The following CUL5 variants were observed in gnomAD, a reference collection of about 807,000 sequenced individuals.
CUL5 encodes cullin-5.
In CUL5, 26 loss-of-function variants were observed where a neutral mutation model predicts 108.8. The observed-to-expected ratio is 0.24, with a 90% CI of 0.18 to 0.33. The LOEUF (loss-of-function observed/expected upper bound fraction) is 0.33. CUL5 is among the 10% of genes least tolerant of loss of function. The pLI, the probability that CUL5 is intolerant of heterozygous loss-of-function variation, is 1.00. For synonymous variants in CUL5, 334 were observed against 298.0 expected (o/e 1.12, Z -1.25); for missense variants, 524 against 909.2 (o/e 0.58, Z 5.45).
intron 1 of CUL5, among the ~76,000 whole-genome samples, chr11:108,021,047 T>C (rs915554571): frequency 1.3e-5 from 2 of 152,238 alleles, no homozygotes; most frequent in Admixed American, 1.3e-4. Flanking sequence ...TGCCTCCAGC[T>C]TCAGTACAGT....
At chr11:108,072,614 A>G (rs1863853754) in intron 9 of CUL5, 152 bp downstream of exon 9, 5 of 546,556 alleles carry the variant, frequency 9.1e-6, no homozygotes, top group Non-Finnish European at 1.3e-5. Context: ...TTCAATAGGA[A>G]GAATAAGTTT....
intron 13 of CUL5, among the ~76,000 whole-genome samples, chr11:108,090,639 A>G (rs184963695): frequency 1.6e-4 from 25 of 152,360 alleles, no homozygotes; most frequent in Admixed American, 1.5e-3. Context: ...ATGATGGCCT[A>G]TTTAGGGTAA....
chr11:108,043,232 A>G (rs1342667296), intron 2 of CUL5, among the ~76,000 whole-genome samples: 2 of 152,162 alleles, frequency 1.3e-5, no homozygotes, highest in Non-Finnish European at 2.9e-5. Context: ...ACCATGCCCA[A>G]CTAATTATTT....
At chr11:108,085,259 A>G (rs1864190557) in intron 11 of CUL5, among the ~76,000 whole-genome samples, 1 of 152,214 alleles carries the variant, frequency 6.6e-6, no homozygotes, top group Non-Finnish European at 1.5e-5. Context: ...GAAATGAATT[A>G]TTATTCTGCT....
intron 1 of CUL5, among the ~76,000 whole-genome samples, chr11:108,018,228 C>T (rs1862248908): frequency 6.6e-6 from 1 of 152,130 alleles, no homozygotes; most frequent in Non-Finnish European, 1.5e-5. Flanking sequence ...ATGAGCTTGG[C>T]CTGTTTGAGG....
intron 1 of CUL5, among the ~76,000 whole-genome samples, chr11:108,021,125 A>C (rs936855170): frequency 6.6e-6 from 1 of 152,226 alleles, no homozygotes; most frequent in Non-Finnish European, 1.5e-5. Context: ...TATAGTAAGT[A>C]GTCTCTACCA....
At chr11:108,096,395 G>A (rs1433712239) in intron 16 of CUL5, among the ~76,000 whole-genome samples, 3 of 151,114 alleles carry the variant, frequency 2.0e-5, no homozygotes, top group Non-Finnish European at 4.4e-5. Flanking sequence ...GGAAGGCTGA[G>A]GTGGGAAGAT....
chr11:108,027,987 C>T (rs538439313), intron 1 of CUL5, among the ~76,000 whole-genome samples: 1 of 152,148 alleles, frequency 6.6e-6, no homozygotes, highest in Non-Finnish European at 1.5e-5. Context: ...CCTCTCTCCG[C>T]CTCTTAATGT....
In CUL5 at chr11:108,021,577, C is replaced by T. The variant is rs146196922; in HGVS notation, c.24+12205C>T. On this transcript the variant is annotated intron_variant, in intron 1 of 18. Transcript: ENST00000393094. ...ATAGGTCACTGCAGCCTTGAATTCCCGAGCTTAAGCAGTGCTCTTGCCTCA... is the reference window on the plus strand; with the variant it reads ...ATAGGTCACTGCAGCCTTGAATTCCTGAGCTTAAGCAGTGCTCTTGCCTCA... 8.7e-3 allele frequency among the ~76,000 whole-genome samples: 1,327 copies of T among 151,934 alleles called. 11 individuals carry two copies. The highest frequency in any genetic ancestry group is 0.015 in the Non-Finnish European group (996 of 67,958).
chr11:108,067,059 C>T (rs1863701963), intron 7 of CUL5, among the ~76,000 whole-genome samples: 1 of 152,134 alleles, frequency 6.6e-6, no homozygotes, highest in African/African-American at 2.4e-5. Flanking sequence ...ACATACCTGG[C>T]CTCAAATTAT....
chr11:108,021,148 A>T (rs571873240), intron 1 of CUL5, among the ~76,000 whole-genome samples: 1 of 152,228 alleles, frequency 6.6e-6, no homozygotes, highest in Non-Finnish European at 1.5e-5. Context: ...AGATTTGTGT[A>T]AGTACATGCT....
intron 11 of CUL5, among the ~76,000 whole-genome samples, chr11:108,087,634 G>A (rs1864251060): frequency 6.6e-6 from 1 of 152,070 alleles, no homozygotes; most frequent in South Asian, 2.1e-4. Flanking sequence ...TTGTGTCTCA[G>A]TTATTTTTTA....
chr11:108,041,675 C>T (rs937195298), intron 2 of CUL5, among the ~76,000 whole-genome samples: 1 of 152,102 alleles, frequency 6.6e-6, no homozygotes, highest in Admixed American at 6.6e-5. Flanking sequence ...ACTGCAACCT[C>T]TGCCTCCTGA....
intron 18 of CUL5, among the ~76,000 whole-genome samples, chr11:108,099,466 C>T (rs1442924067): frequency 6.6e-6 from 1 of 152,116 alleles, no homozygotes; most frequent in African/African-American, 2.4e-5. Context: ...AAGAAAAATA[C>T]ATACACATTT....
At position 108,019,888 on chromosome 11, in the gene CUL5, A is replaced by G. The variant is rs550414874; in HGVS notation, c.24+10516A>G. 3.9e-5 allele frequency among the ~76,000 whole-genome samples: 6 copies of G among 152,254 alleles called. 1 individual carries two copies. The South Asian group carries it at 1.2e-3, about 32-fold the overall frequency. Reference sequence around the variant, plus strand: ...TGAGGTCCTCAGCCTGCTTCTACTCATGGCAGAAGGTGAAAGGGATCCTGT... The same window carrying G: ...TGAGGTCCTCAGCCTGCTTCTACTCGTGGCAGAAGGTGAAAGGGATCCTGT... On this transcript the variant is annotated intron_variant, in intron 1 of 18. Coordinates refer to ENST00000393094, the MANE Select transcript of CUL5 (RefSeq NM_003478.6).
chr11:108,099,724 T>C (rs562929835), intron 18 of CUL5, among the ~76,000 whole-genome samples: 5 of 152,276 alleles, frequency 3.3e-5, no homozygotes, highest in South Asian at 4.1e-4. Context: ...CATCTTCCCA[T>C]GTTTCCAGGC....
At chr11:108,027,564 G>T (rs1347666031) in intron 1 of CUL5, among the ~76,000 whole-genome samples, 2 of 151,886 alleles carry the variant, frequency 1.3e-5, no homozygotes, top group Non-Finnish European at 2.9e-5. Context: ...GAGCCACCGT[G>T]CCCAGCCAAA....
chr11:108,072,198 C>CA (rs1863842490), intron 8 of CUL5, 134 bp from the exon 9 acceptor site: 9 of 684,258 alleles, frequency 1.3e-5, no homozygotes, highest in East Asian at 1.3e-4. Context: ...AAAACAACAA[C>CA]AAAAAAACGA....
chr11:108,011,776 C>T (rs1315582696), intron 1 of CUL5, among the ~76,000 whole-genome samples: 3 of 152,074 alleles, frequency 2.0e-5, no homozygotes, highest in Non-Finnish European at 2.9e-5. Flanking sequence ...TACAGGCGCA[C>T]GCCACCACGC....
Sources: gnomAD v4.1 joint callset for allele counts (sites outside exome capture counted in the v4.1 genomes callset) on GRCh38, gnomAD v4.1.1 for gene constraint, MANE v1.5 for transcripts, NCBI Gene and HGNC (gene_info 2026-07-23, HGNC 2026-07-21) for gene names.